The following BSN variants were observed in gnomAD, a reference collection of about 807,000 sequenced individuals.
BSN encodes protein bassoon.
In BSN, 57 loss-of-function variants were observed where a neutral mutation model predicts 264.8. The ratio of observed to expected loss-of-function variants is 0.22; its 90% CI spans 0.17 to 0.27. BSN has a LOEUF of 0.27. Among genes scored for constraint, BSN ranks in the 10% least tolerant of loss-of-function variants. The probability of loss-of-function intolerance (pLI) is 1.00; values close to 1 mark genes in which losing one functional copy is unlikely to be tolerated. For synonymous variants in BSN, 2,059 were observed against 2,137.3 expected (o/e 0.96, Z 1.01); for missense variants, 4,615 against 5,232.5 (o/e 0.88, Z 3.64).
At position 49,657,861 on chromosome 3, in the gene BSN, G is replaced by A; in HGVS notation, c.8305G>A (p.Gly2769Arg). The change falls in exon 5 of 12, where the codon GGG (glycine) becomes AGG (arginine). Residue 2769 changes from glycine to arginine, a missense_variant. Gly to Arg is a moderately radical substitution (Grantham distance 125, BLOSUM62 -2). Coordinates refer to ENST00000296452, the MANE Select transcript of BSN (RefSeq NM_003458.4). ...AAAGAAGCCAGATCCCCTGGAGATT[G>A]GGTACCAGGCCCACCTGCCTCCGGA... Reference protein sequence around the residue: ...EKKKPDPLEIGYQAHLPPESL... With the variant: ...EKKKPDPLEIRYQAHLPPESL... The A allele has an allele frequency of 6.2e-7, 1 of 1,613,086 alleles. No individual in the cohort carries two copies. Among genetic ancestry groups the A allele is most frequent in the Middle Eastern group, 1.7e-4 (1 of 6,058 alleles).
intron 1 of BSN, among the ~76,000 whole-genome samples, chr3:49,586,228 T>C (rs1031857552): frequency 2.6e-5 from 4 of 152,192 alleles, no homozygotes; most frequent in African/African-American, 9.6e-5. Flanking sequence ...TGAGGACTTA[T>C]ATTTAAGTCC....
chr3:49,667,097 G>A (rs572466657), intron 11 of BSN, among the ~76,000 whole-genome samples: 21 of 152,096 alleles, frequency 1.4e-4, no homozygotes, highest in African/African-American at 4.6e-4. Context: ...TTTGTTCTGC[G>A]TCCTGCCACA....
At chr3:49,665,105 T>G (rs2052702624) in intron 10 of BSN, 124 bp from the exon 11 acceptor site, 1 of 418,814 alleles carries the variant, frequency 2.4e-6, no homozygotes. Context: ...CCAGGGCCAG[T>G]GCCCTGGCTT....
rs771268287 is a variant in BSN at position 49,661,010 on chromosome 3, C to T, written c.9165C>T (p.Arg3055=). ...PSGPTAFQQP[R]FQPPAPQYSA... is the part of the protein sequence containing the mutation. Reference sequence around the variant, plus strand: ...GTCCCACTGCCTTCCAGCAGCCCCGCTTCCAGCCTCCAGCCCCACAGTATT... The same window carrying T: ...GTCCCACTGCCTTCCAGCAGCCCCGTTTCCAGCCTCCAGCCCCACAGTATT... Residue 3055 remains arginine (R), a synonymous_variant, in exon 6 of 12, where the codon CGC becomes CGT. Transcript: ENST00000296452. 1.2e-6 allele frequency: 2 copies of T among 1,611,256 alleles called. No homozygotes were observed. Among genetic ancestry groups the T allele is most frequent in the Admixed American group, 3.3e-5 (2 of 60,026 alleles).
Position 49,606,163 on chromosome 3 carries a change from T to TAA in BSN, c.225-18811_225-18810insAA, listed in dbSNP as rs1250700222. Among the ~76,000 whole-genome samples, 20 of 36,788 alleles carry TAA rather than the reference T, an allele frequency of 5.4e-4. No individual in the cohort carries two copies. The South Asian group carries it at 7.4e-3, about 14-fold the overall frequency. 24.1% of individuals were successfully genotyped at this position (36,788 alleles called of 152,430 possible). On this transcript the variant is annotated intron_variant, in intron 1 of 11. Transcript: ENST00000296452. ...ATATTATATATGTATATATTATATATACATATATTATATATGTATATATAT... is the reference window on the plus strand; with the variant it reads ...ATATTATATATGTATATATTATATATAAACATATATTATATATGTATATATAT...
intron 1 of BSN, among the ~76,000 whole-genome samples, chr3:49,586,827 T>C (rs2051941343): frequency 1.3e-5 from 2 of 152,248 alleles, no homozygotes; most frequent in South Asian, 4.1e-4. Context: ...GTAGTCTAAT[T>C]TGAAGCCAGG....
chr3:49,557,306 G>A (rs148148658), intron 1 of BSN, among the ~76,000 whole-genome samples: 1 of 152,300 alleles, frequency 6.6e-6, no homozygotes, highest in African/African-American at 2.4e-5. Context: ...CAAGCTGTGT[G>A]CCCTGGTGTA....
chr3:49,608,752 C>CAGGAG (rs1361995413), intron 1 of BSN, among the ~76,000 whole-genome samples: 5 of 151,696 alleles, frequency 3.3e-5, no homozygotes, highest in Admixed American at 3.3e-4. Context: ...TGCTTGAACC[C>CAGGAG]AGGAGGCGGA....
intron 3 of BSN, 47 bp downstream of exon 3, chr3:49,643,199 G>A (rs772677193): frequency 9.0e-6 from 14 of 1,554,746 alleles, no homozygotes; most frequent in Admixed American, 5.5e-5. Context: ...ATGAGAGGCC[G>A]GGCCTGGGTA....
At position 49,638,107 on chromosome 3, in the gene BSN, TTGTCACAC is replaced by T. The variant is rs1352604746; in HGVS notation, c.634-4158_634-4151del. ...ACAGCAGAACCCTAGCTGAGGCTTC[TTGTCACAC>T]TGGTAAAAGGATAGTCCCTCTGATT... On this transcript the variant is annotated intron_variant, in intron 2 of 11. Coordinates refer to ENST00000296452, the MANE Select transcript of BSN (RefSeq NM_003458.4). The surrounding 1 kb of genome is among the most constrained non-coding windows in gnomAD (Gnocchi z 4.3). 2.0e-5 allele frequency among the ~76,000 whole-genome samples: 3 copies of T among 152,224 alleles called. No homozygotes were observed. Among genetic ancestry groups the T allele is most frequent in the African/African-American group, 7.2e-5 (3 of 41,464 alleles).
intron 2 of BSN, among the ~76,000 whole-genome samples, chr3:49,637,165 C>T (rs770447087): frequency 1.3e-5 from 2 of 152,226 alleles, no homozygotes; most frequent in Non-Finnish European, 2.9e-5. Flanking sequence ...CACTGAATGC[C>T]TGCTCTCCCT....
intron 1 of BSN, among the ~76,000 whole-genome samples, chr3:49,623,872 G>A (rs2052321889): frequency 6.6e-6 from 1 of 152,178 alleles, no homozygotes; most frequent in African/African-American, 2.4e-5. Context: ...ATAGTAACTT[G>A]GGCTCATGTT....
intron 1 of BSN, among the ~76,000 whole-genome samples, chr3:49,599,169 C>T (rs886376731): frequency 6.6e-6 from 1 of 152,130 alleles, no homozygotes; most frequent in South Asian, 2.1e-4. Context: ...TGAGGTCTTT[C>T]GTACTGGTGA....
intron 1 of BSN, among the ~76,000 whole-genome samples, chr3:49,617,285 A>ATATATATATATATATATATT (rs1315647606): frequency 0.011 from 38 of 3,352 alleles, no homozygotes; most frequent in South Asian, 0.05. Flanking sequence ...AAAATACATT[A>ATATATATATATATATATATT]TATATATATA....
At chr3:49,591,632 C>G (rs2051978515) in intron 1 of BSN, among the ~76,000 whole-genome samples, 1 of 151,990 alleles carries the variant, frequency 6.6e-6, no homozygotes, top group Admixed American at 6.6e-5. Flanking sequence ...GGGTCTCACT[C>G]TGTCACCCAG....
intron 1 of BSN, among the ~76,000 whole-genome samples, chr3:49,574,704 C>T (rs377551555): frequency 2.1e-5 from 3 of 145,872 alleles, no homozygotes; most frequent in African/African-American, 5.1e-5. Flanking sequence ...GGCACAATCT[C>T]GGCTCACTGC....
At chr3:49,606,328 T>TATATTATATATATTAAAA (rs1559603760) in intron 1 of BSN, among the ~76,000 whole-genome samples, 1 of 49,878 alleles carries the variant, frequency 2.0e-5, no homozygotes, top group African/African-American at 4.9e-5. Context: ...ATTAAAAATA[T>TATATTATATATATTAAAA]ATATATATTT....
In BSN at chr3:49,653,790, C is replaced by G. The variant is rs750737585; in HGVS notation, c.4234C>G (p.Pro1412Ala). ...AGCAGGCTCCGAGCGTAGTCCTTCA[C>G]CATCTTCCACAGCCCACAGCTATGG... ...SPAGSERSPS[P>A]SSTAHSYGHS... The change falls in exon 5 of 12, where the codon CCA (proline) becomes GCA (alanine). Residue 1412 changes from proline (P) to alanine (A), a missense_variant. Pro to Ala is a conservative substitution (Grantham distance 27). Transcript: ENST00000296452. This position sits in a 1 kb window ranked among gnomAD's most constrained non-coding sequence, Gnocchi z 6.3. The G allele has an allele frequency of 8.1e-6, 13 of 1,614,052 alleles. 1 individual carries two copies. In the South Asian group the frequency reaches 1.4e-4, roughly 18 times the overall value.
intron 1 of BSN, among the ~76,000 whole-genome samples, chr3:49,568,460 TAAG>T (rs2051771402): frequency 6.6e-6 from 1 of 152,234 alleles, no homozygotes; most frequent in Non-Finnish European, 1.5e-5. Context: ...GCCTTTCTGA[TAAG>T]AAACAGTTTT....
Sources: allele counts gnomAD v4.1 joint callset (sites outside exome capture counted in the v4.1 genomes callset), GRCh38; gene constraint gnomAD v4.1.1; non-coding constraint Gnocchi (gnomAD v3.1); transcripts MANE v1.5; gene names NCBI Gene and HGNC (gene_info 2026-07-23, HGNC 2026-07-21).